Variants in PHF2 observed in about 807,000 individuals in gnomAD.
PHF2 encodes lysine-specific demethylase PHF2.
PHF2 carries 27 observed loss-of-function variants against 120.5 expected under a neutral mutation model. The ratio of observed to expected loss-of-function variants is 0.22; its 90% CI spans 0.17 to 0.31. PHF2 has a LOEUF of 0.31. Ranked by LOEUF, PHF2 falls within the 10% of genes least tolerant of loss-of-function variation. The probability of loss-of-function intolerance (pLI) is 1.00; values close to 1 mark genes in which losing one functional copy is unlikely to be tolerated. For missense variants in PHF2, 1,024 were observed against 1,434.8 expected (o/e 0.71, Z 4.63); for synonymous variants, 568 against 592.5 (o/e 0.96, Z 0.60).
chr9:93,621,618 C>T (rs531313802), intron 1 of PHF2, among the ~76,000 whole-genome samples: 1 of 152,318 alleles, frequency 6.6e-6, no homozygotes, highest in African/African-American at 2.4e-5. Context: ...TTATGGAGGG[C>T]GGGGCCAGGT....
At chr9:93,592,054 T>G (rs1825237557) in intron 1 of PHF2, among the ~76,000 whole-genome samples, 1 of 152,222 alleles carries the variant, frequency 6.6e-6, no homozygotes, top group South Asian at 2.1e-4. Flanking sequence ...CCAGGGGTCA[T>G]TGTAATTCTG....
chr9:93,576,733 C>A lies in PHF2; in HGVS notation c.-41C>A. The A allele has an allele frequency of 9.7e-7, 1 of 1,030,704 alleles. No individual in the cohort carries two copies. Among genetic ancestry groups the A allele is most frequent in the Non-Finnish European group, 1.2e-6 (1 of 824,478 alleles). The allele number at this position is 1,030,704 out of a possible 1,614,324, so 63.8% of individuals were successfully genotyped here. Reference sequence around the variant, plus strand: ...CCGGCCCGGCCCGGACCGACCCGGGCAGCGCAGCGGCGGGGCCGAGCGGCG... The same window carrying A: ...CCGGCCCGGCCCGGACCGACCCGGGAAGCGCAGCGGCGGGGCCGAGCGGCG... On this transcript the variant is annotated 5_prime_UTR_variant, in exon 1 of 22. Transcript: ENST00000359246.
chr9:93,645,594 G>A, intron 3 of PHF2, 35 bp from the exon 4 acceptor site: 2 of 1,527,564 alleles, frequency 1.3e-6, no homozygotes, highest in Non-Finnish European at 8.8e-7. Context: ...GAGGCCTCGG[G>A]CCCAATGTGG....
rs572373527 is a variant in PHF2 at position 93,670,207 on chromosome 9, G to A, written c.2348+2967G>A. 3.3e-5 allele frequency among the ~76,000 whole-genome samples: 5 copies of A among 152,338 alleles called. No individual in the cohort carries two copies. In the South Asian group the frequency reaches 6.2e-4, roughly 19 times the overall value. ...AGAGGGAGAGGACGGCAGGCACCCCGTGTGCCCCAAGTATGGGCCCAGGAG... is the reference window on the plus strand; with the variant it reads ...AGAGGGAGAGGACGGCAGGCACCCCATGTGCCCCAAGTATGGGCCCAGGAG... On this transcript the variant is annotated intron_variant, in intron 17 of 21. Transcript: ENST00000359246.
At chr9:93,619,552 C>T (rs151295645) in intron 1 of PHF2, among the ~76,000 whole-genome samples, 284 of 152,110 alleles carry the variant, frequency 1.9e-3, no homozygotes, top group African/African-American at 6.3e-3. Context: ...CTGTGCTCCA[C>T]GCCTGCTGGT....
intron 1 of PHF2, among the ~76,000 whole-genome samples, chr9:93,607,163 A>G (rs1825556180): frequency 6.6e-6 from 1 of 152,232 alleles, no homozygotes; most frequent in Non-Finnish European, 1.5e-5. Context: ...GTTTTTCTCC[A>G]TCACTATTGT....
chr9:93,668,943 A>C (rs1277077379), intron 17 of PHF2, among the ~76,000 whole-genome samples: 1 of 152,266 alleles, frequency 6.6e-6, no homozygotes, highest in Non-Finnish European at 1.5e-5. Context: ...CTTGGAAAAA[A>C]CTGCTGAAGA....
At chr9:93,664,042 A>G (rs1826630257) in intron 14 of PHF2, among the ~76,000 whole-genome samples, 1 of 152,212 alleles carries the variant, frequency 6.6e-6, no homozygotes, top group Non-Finnish European at 1.5e-5. Context: ...CCAGCCTGCA[A>G]TGAGGGATGG....
chr9:93,630,210 G>C (rs1430980723), intron 2 of PHF2, among the ~76,000 whole-genome samples, 155 bp downstream of exon 2: 1 of 152,214 alleles, frequency 6.6e-6, no homozygotes, highest in African/African-American at 2.4e-5. Context: ...GACCCTGCCA[G>C]CCTAGCTTAC....
intron 5 of PHF2, 143 bp from the exon 6 acceptor site, chr9:93,653,036 C>T: frequency 2.8e-6 from 2 of 701,798 alleles, no homozygotes; most frequent in East Asian, 2.7e-5. Flanking sequence ...CCTGTTTGCT[C>T]CTCTGTGAAA....
chr9:93,617,926 C>T (rs1351109334), intron 1 of PHF2, among the ~76,000 whole-genome samples: 1 of 152,184 alleles, frequency 6.6e-6, no homozygotes, highest in African/African-American at 2.4e-5. Context: ...TCTGCCTTTC[C>T]CAGCCCACTG....
chr9:93,597,056 G>T (rs1169580539), intron 1 of PHF2, among the ~76,000 whole-genome samples: 1 of 150,300 alleles, frequency 6.7e-6, no homozygotes, highest in African/African-American at 2.5e-5. Context: ...TCAGCCTCCC[G>T]AGTAGCTGGG....
At position 93,678,807 on chromosome 9, in the gene PHF2, G is replaced by A. The variant is rs1434359303; in HGVS notation, c.*1131G>A. On this transcript the variant is annotated 3_prime_UTR_variant, in exon 22 of 22. Transcript: ENST00000359246. ...TAGAGTTCTTCATTAACATTTATAC[G>A]AGTTTTTTGCTGAGTCAGATGGACA... 2 of 153,330 alleles carry A rather than the reference G, an allele frequency of 1.3e-5. No individual in the cohort carries two copies. The highest frequency in any genetic ancestry group is 2.9e-5 in the Non-Finnish European group (2 of 68,792). The allele number at this position is 153,330 out of a possible 1,614,324, so 9.5% of individuals were successfully genotyped here.
At chr9:93,657,729 C>T (rs1195155781) in intron 9 of PHF2, among the ~76,000 whole-genome samples, 2 of 152,194 alleles carry the variant, frequency 1.3e-5, no homozygotes, top group East Asian at 1.9e-4. Flanking sequence ...TGTAGTTGGT[C>T]CCTACACTGT....
Position 93,677,011 on chromosome 9 carries a change from C to T in PHF2, c.3202+48C>T. On this transcript the variant is annotated intron_variant, in intron 21 of 21. Transcript: ENST00000359246. The surrounding 1 kb of genome is among the most constrained non-coding windows in gnomAD (Gnocchi z 4.4). Reference sequence around the variant, plus strand: ...CCTGCAGCCCCCCTGCCCTGCCTGCCCCCATGGGCAGCCCCAGACATGCAG... The same window carrying T: ...CCTGCAGCCCCCCTGCCCTGCCTGCTCCCATGGGCAGCCCCAGACATGCAG... 1 of 1,467,228 alleles carries T rather than the reference C, an allele frequency of 6.8e-7. No individual in the cohort carries two copies. Among genetic ancestry groups the T allele is most frequent in the Non-Finnish European group, 9.1e-7 (1 of 1,102,614 alleles). The allele number at this position is 1,467,228 out of a possible 1,614,324, so 90.9% of individuals were successfully genotyped here.
chr9:93,650,025 G>A (rs1826338357), intron 5 of PHF2, among the ~76,000 whole-genome samples: 1 of 150,278 alleles, frequency 6.7e-6, no homozygotes, highest in South Asian at 2.1e-4. Context: ...GGACACACTC[G>A]CCAACACACG....
intron 1 of PHF2, among the ~76,000 whole-genome samples, chr9:93,579,061 A>T (rs994419432): frequency 6.6e-6 from 1 of 152,148 alleles, no homozygotes; most frequent in Non-Finnish European, 1.5e-5. Flanking sequence ...CAGGTGTGTG[A>T]TGGGGAGGAC....
In PHF2 at chr9:93,679,472, G is replaced by A; in HGVS notation, c.*1796G>A. On this transcript the variant is annotated 3_prime_UTR_variant, in exon 22 of 22. Coordinates refer to ENST00000359246, the MANE Select transcript of PHF2 (RefSeq NM_005392.4). ...TACATTTCTAACAAAGTTTATCGTG[G>A]CTATTAAAGTGTTTTATTTCCCAAT... 1 of 303,510 alleles carries A rather than the reference G, an allele frequency of 3.3e-6. No homozygotes were observed. Among genetic ancestry groups the A allele is most frequent in the Non-Finnish European group, 6.4e-6 (1 of 155,796 alleles). The allele number at this position is 303,510 out of a possible 1,614,324, so 18.8% of individuals were successfully genotyped here.
At chr9:93,583,906 A>G (rs7864091) in intron 1 of PHF2, among the ~76,000 whole-genome samples, 123,464 of 150,048 alleles carry the variant, frequency 0.82, 50,710 homozygotes, top group East Asian at 0.88. Context: ...TCAGCTCACC[A>G]CAACCTCTGC....
Sources: allele counts gnomAD v4.1 joint callset (sites outside exome capture counted in the v4.1 genomes callset), GRCh38; gene constraint gnomAD v4.1.1; non-coding constraint Gnocchi (gnomAD v3.1); transcripts MANE v1.5; gene names NCBI Gene and HGNC (gene_info 2026-07-23, HGNC 2026-07-21).